TSPEAR: variants seen among roughly 807,000 people sequenced by gnomAD.
TSPEAR encodes the protein thrombospondin type laminin G domain and EAR repeats, also known as thrombospondin-type laminin G domain and EAR repeat-containing protein.
TSPEAR carries 69 observed loss-of-function variants against 71.6 expected under a neutral mutation model. The ratio of observed to expected loss-of-function variants is 0.96; its 90% CI spans 0.79 to 1.18. The LOEUF (loss-of-function observed/expected upper bound fraction) is 1.18, where lower values mean the gene tolerates loss of function less well. Among genes scored for constraint, TSPEAR ranks in the 50% most tolerant of loss-of-function variants. The pLI, the probability that TSPEAR is intolerant of heterozygous loss-of-function variation, is 0.00. For synonymous variants in TSPEAR, 402 were observed against 387.2 expected, an observed-to-expected ratio of 1.04 and a Z score of -0.45; for missense variants, 971 against 894.9, an observed-to-expected ratio of 1.09 and a Z score of -1.09.
rs951242922 is a variant in TSPEAR at position 44,642,716 on chromosome 21, C to T, written c.82+68717G>A. ...AATTGGCCAGGTGTGGTGGCAGGCG[C>T]CTGTAGTCCCAGCTACCTGGGAGGC... On this transcript the variant is annotated intron_variant, in intron 1 of 11. Transcript: ENST00000323084. The surrounding 1 kb of genome is among the most constrained non-coding windows in gnomAD (Gnocchi z 4.1). Among the ~76,000 whole-genome samples, 2 of 152,116 alleles carry T rather than the reference C, an allele frequency of 1.3e-5. No homozygotes were observed. Among genetic ancestry groups the T allele is most frequent in the African/African-American group, 2.4e-5 (1 of 41,422 alleles).
Position 44,695,492 on chromosome 21 carries a change from C to T in TSPEAR, c.82+15941G>A, listed in dbSNP as rs1318523773. 6.6e-6 allele frequency among the ~76,000 whole-genome samples: 1 copy of T among 152,208 alleles called. No homozygotes were observed. Among genetic ancestry groups the T allele is most frequent in the Non-Finnish European group, 1.5e-5 (1 of 68,038 alleles). On this transcript the variant is annotated intron_variant, in intron 1 of 11. Coordinates refer to ENST00000323084, the MANE Select transcript of TSPEAR (RefSeq NM_144991.3). The surrounding 1 kb of genome is among the most constrained non-coding windows in gnomAD (Gnocchi z 4.5). ...CCTGGCCATGCCCCAACCTGGCTCA[C>T]ACTCCCTCAGGGTTGCAATGACCTC...
chr21:44,528,176 T>C (rs2052895365), intron 6 of TSPEAR, among the ~76,000 whole-genome samples: 1 of 152,130 alleles, frequency 6.6e-6, no homozygotes, highest in Non-Finnish European at 1.5e-5. Flanking sequence ...GGCTCGAGGC[T>C]CCTGGTGGGG....
In TSPEAR at chr21:44,599,989, G is replaced by C. The variant is rs587690705; in HGVS notation, c.83-31984C>G. Reference sequence around the variant, plus strand: ...CTCCCTAAGTGCCCAGATGGAAGAGGGGGTGCACGGCCCCCCAGGAACTAC... The same window carrying C: ...CTCCCTAAGTGCCCAGATGGAAGAGCGGGTGCACGGCCCCCCAGGAACTAC... On this transcript the variant is annotated intron_variant, in intron 1 of 11. Transcript: ENST00000323084. 1.1e-3 allele frequency among the ~76,000 whole-genome samples: 161 copies of C among 152,322 alleles called. 2 individuals carry two copies. The highest frequency in any genetic ancestry group is 3.7e-3 in the African/African-American group (153 of 41,558).
In TSPEAR at chr21:44,506,532, ACAGG is replaced by A. The variant is rs1555911966; in HGVS notation, c.1755-1655_1755-1652del. Among the ~76,000 whole-genome samples the A allele has an allele frequency of 6.6e-6, 1 of 152,194 alleles. No homozygotes were observed. ...GGAGGGATCACAGAGGTGTCCAGTG[ACAGG>A]CAGGGCGGGCAGAGCCCATGGGGCC... On this transcript the variant is annotated intron_variant, in intron 10 of 11. Coordinates refer to ENST00000323084, the MANE Select transcript of TSPEAR (RefSeq NM_144991.3). The surrounding 1 kb of genome is among the most constrained non-coding windows in gnomAD (Gnocchi z 4.2).
intron 9 of TSPEAR, chr21:44,509,754 C>A: frequency 3.7e-6 from 1 of 268,302 alleles, no homozygotes; most frequent in Non-Finnish European, 7.3e-6. Flanking sequence ...GCCAGCTGTG[C>A]CCAGCCCTGC....
rs1985750468 is a variant in TSPEAR, at chr21:44,666,234, T to G, written c.82+45199A>C. 2.6e-5 allele frequency: 15 copies of G among 566,148 alleles called. No individual in the cohort carries two copies. The South Asian group carries it at 4.8e-4, about 18-fold the overall frequency. 35.1% of individuals were successfully genotyped at this position (566,148 alleles called of 1,614,324 possible). A position where few individuals can be genotyped will look rare whatever the true frequency, so the allele number is the denominator to read the frequency against. ...ATTTGGCTCTCATGGGGTCAGAGAA[T>G]GACTCTGGGACCCCAGACTTCCCTG... On this transcript the variant is annotated intron_variant, in intron 1 of 11. Transcript: ENST00000323084.
chr21:44,668,541 A>C (rs1601548031), intron 1 of TSPEAR, among the ~76,000 whole-genome samples: 1 of 152,222 alleles, frequency 6.6e-6, no homozygotes, highest in Non-Finnish European at 1.5e-5. Flanking sequence ...AGAAAAACCC[A>C]TCCTAAAGTT....
At chr21:44,659,358 AGCACAAGCACTGATACACC>A (rs1985363511) in intron 1 of TSPEAR, among the ~76,000 whole-genome samples, 1 of 150,834 alleles carries the variant, frequency 6.6e-6, no homozygotes, top group African/African-American at 2.5e-5. Context: ...ATACACCCTA[AGCACAAGCACTGATACACC>A]CTAAGCACAA....
At chr21:44,517,796 G>GT (rs1555913659) in intron 9 of TSPEAR, 1 of 471,242 alleles carries the variant, frequency 2.1e-6, no homozygotes. Context: ...GGCTGCCGAT[G>GT]GGAAATCCCA....
At chr21:44,589,954 T>A (rs114294382) in intron 1 of TSPEAR, among the ~76,000 whole-genome samples, 5,386 of 152,350 alleles carry the variant, frequency 0.035, 321 homozygotes, top group African/African-American at 0.12. Context: ...TCTCTGCCCC[T>A]GGAGGCTCTC....
intron 2 of TSPEAR, among the ~76,000 whole-genome samples, chr21:44,566,464 A>G (rs758619663): frequency 2.9e-4 from 44 of 152,320 alleles, no homozygotes; most frequent in Middle Eastern, 3.4e-3. Flanking sequence ...GATTTGTCCA[A>G]TCTCAAGCTA....
intron 10 of TSPEAR, chr21:44,508,888 G>A (rs1555912230): frequency 1.4e-6 from 2 of 1,461,956 alleles, no homozygotes; most frequent in East Asian, 3.2e-5. Flanking sequence ...CGCACGACGG[G>A]CATGAAGCCC....
chr21:44,536,252 C>T lies in TSPEAR; in HGVS notation c.304-2329G>A, dbSNP rs377739773. ...GCTGCTGCTCCTGCCAGTGCTCCCT[C>T]GGCGTCCTCCGGCACAGACCTCAGC... On this transcript the variant is annotated intron_variant, in intron 2 of 11. Coordinates refer to ENST00000323084, the MANE Select transcript of TSPEAR (RefSeq NM_144991.3). 5.6e-4 allele frequency among the ~76,000 whole-genome samples: 86 copies of T among 152,358 alleles called. 2 individuals are homozygous for T. In the South Asian group the frequency reaches 0.015, roughly 27 times the overall value.
chr21:44,604,105 T>C (rs1242749156), intron 1 of TSPEAR, among the ~76,000 whole-genome samples: 1 of 152,158 alleles, frequency 6.6e-6, no homozygotes, highest in Non-Finnish European at 1.5e-5. Context: ...CGCCACAGGT[T>C]GTGGGAGCCC....
intron 1 of TSPEAR, chr21:44,591,809 G>C (rs1490079404): frequency 2.5e-6 from 4 of 1,598,312 alleles, no homozygotes; most frequent in Non-Finnish European, 2.6e-6. Context: ...CAGCAGGCCT[G>C]CTGGCAGGGG....
At position 44,710,168 on chromosome 21, in the gene TSPEAR, A is replaced by G. The variant is rs1555953312; in HGVS notation, c.82+1265T>C. The stretch of plus-strand genomic sequence containing the variant: ...GAGAAAGGCTGGCGCTGCGCCCTCC[A>G]TCGCGTGAAGCCAGGGGATTTTGCT... On this transcript the variant is annotated intron_variant, in intron 1 of 11. Transcript: ENST00000323084. The surrounding 1 kb of genome is among the most constrained non-coding windows in gnomAD (Gnocchi z 4.6). Among the ~76,000 whole-genome samples, 1 of 152,042 alleles carries G rather than the reference A, an allele frequency of 6.6e-6. No individual in the cohort carries two copies. The highest frequency in any genetic ancestry group is 2.4e-5 in the African/African-American group (1 of 41,384).
At chr21:44,559,764 A>T (rs1488603773) in intron 2 of TSPEAR, among the ~76,000 whole-genome samples, 1 of 152,188 alleles carries the variant, frequency 6.6e-6, no homozygotes, top group Non-Finnish European at 1.5e-5. Context: ...AGTTCTGATC[A>T]TGGATCCCTC....
At chr21:44,635,383 A>G (rs1217609986) in intron 1 of TSPEAR, among the ~76,000 whole-genome samples, 3 of 151,206 alleles carry the variant, frequency 2.0e-5, no homozygotes, top group Admixed American at 6.6e-5. Flanking sequence ...TTATAGAAGC[A>G]CTATTCACAC....
chr21:44,711,406 G>C lies in TSPEAR; in HGVS notation c.82+27C>G, dbSNP rs782704531. The C allele has an allele frequency of 1.9e-5, 30 of 1,565,234 alleles. No homozygotes were observed. The highest frequency in any genetic ancestry group is 1.2e-4 in the East Asian group (5 of 42,628). Reference sequence around the variant, plus strand: ...CCCAGCTCCCCGGCAAGATACCCCCGCCCGAGTTCCCATGCCCCTGCCTTA... The same window carrying C: ...CCCAGCTCCCCGGCAAGATACCCCCCCCCGAGTTCCCATGCCCCTGCCTTA... On this transcript the variant is annotated intron_variant, in intron 1 of 11. Coordinates refer to ENST00000323084, the MANE Select transcript of TSPEAR (RefSeq NM_144991.3). This position sits in a 1 kb window ranked among gnomAD's most constrained non-coding sequence, Gnocchi z 4.5.
Sources: gnomAD v4.1 joint callset for allele counts (sites outside exome capture counted in the v4.1 genomes callset) on GRCh38, gnomAD v4.1.1 for gene constraint, Gnocchi (gnomAD v3.1) non-coding constraint, MANE v1.5 for transcripts, NCBI Gene and HGNC (gene_info 2026-07-23, HGNC 2026-07-21) for gene names.